Variants in UNC13C observed in about 807,000 individuals in gnomAD.
UNC13C encodes unc-13 homolog C.
Under a neutral mutation model 245.4 loss-of-function variants are expected in UNC13C, and 174 were observed. That is an observed-to-expected ratio of 0.71 (90% confidence interval 0.63 to 0.80). The LOEUF is 0.80. UNC13C is among the 30% of genes least tolerant of loss of function. The pLI is 0.00. For missense variants in UNC13C, 2,829 were observed against 2,602.9 expected, an observed-to-expected ratio of 1.09 and a Z score of -1.89; for synonymous variants, 992 against 895.1, an observed-to-expected ratio of 1.11 and a Z score of -1.93.
chr15:54,169,498 T>G (rs1046427171), intron 4 of UNC13C, among the ~76,000 whole-genome samples: 1 of 152,142 alleles, frequency 6.6e-6, no homozygotes, highest in Non-Finnish European at 1.5e-5. Context: ...CCAGGAGGCG[T>G]TCTTTGTAAA....
chr15:54,324,830 G>A lies in UNC13C; in HGVS notation c.4425+2735G>A, dbSNP rs1044059328. On this transcript the variant is annotated intron_variant, in intron 14 of 32. Transcript: ENST00000260323. The stretch of plus-strand genomic sequence containing the variant: ...AATTGAGGTTGAAGCCTGATTTCAC[G>A]AAGTTTGTTCAGTGAATGGCATATA... Among the ~76,000 whole-genome samples, 7 of 152,084 alleles carry A rather than the reference G, an allele frequency of 4.6e-5. No individual in the cohort carries two copies. In the East Asian group the frequency reaches 7.8e-4, roughly 17 times the overall value.
the UNC13C span, among the ~76,000 whole-genome samples, chr15:53,942,700 G>A: frequency 6.6e-6 from 1 of 152,210 alleles, no homozygotes; most frequent in Admixed American, 6.5e-5. Flanking sequence ...GTCTCACTCT[G>A]TCACCCAGGC....
intron 10 of UNC13C, among the ~76,000 whole-genome samples, chr15:54,278,959 TTTATTACACAAAC>T (rs2036906691): frequency 6.6e-6 from 1 of 152,214 alleles, no homozygotes; most frequent in Non-Finnish European, 1.5e-5. Context: ...TGTTTTATGT[TTTATTACACAAAC>T]TTTTGGAAAT....
At chr15:54,088,934 C>T (rs1195498770) in intron 2 of UNC13C, among the ~76,000 whole-genome samples, 5 of 152,134 alleles carry the variant, frequency 3.3e-5, no homozygotes, top group African/African-American at 1.2e-4. Context: ...CCCTACCTGG[C>T]TTTGGGGTCA....
intron 15 of UNC13C, 123 bp downstream of exon 15, chr15:54,332,234 C>T (rs1596235247): frequency 3.0e-6 from 2 of 663,512 alleles, no homozygotes; most frequent in East Asian, 2.8e-5. Flanking sequence ...GGTGCTGTTA[C>T]CCTTAGAAAT....
chr15:54,073,024 C>G (rs1169709624), intron 2 of UNC13C, among the ~76,000 whole-genome samples: 1 of 152,106 alleles, frequency 6.6e-6, no homozygotes, highest in Non-Finnish European at 1.5e-5. Flanking sequence ...AACACTATCC[C>G]TCCCCTAGCC....
intron 18 of UNC13C, among the ~76,000 whole-genome samples, chr15:54,394,599 C>T (rs2040033270): frequency 6.6e-6 from 1 of 151,844 alleles, no homozygotes; most frequent in Non-Finnish European, 1.5e-5. Flanking sequence ...AGACCGACAA[C>T]TTGTTTCAAG....
the UNC13C span, among the ~76,000 whole-genome samples, chr15:53,973,165 A>T: frequency 6.6e-6 from 1 of 152,110 alleles, no homozygotes; most frequent in Non-Finnish European, 1.5e-5. Context: ...TGAATCAAAG[A>T]ATGGCTCTTT....
At chr15:54,348,092 G>A (rs1460405843) in intron 17 of UNC13C, among the ~76,000 whole-genome samples, 3 of 152,092 alleles carry the variant, frequency 2.0e-5, no homozygotes, top group Non-Finnish European at 4.4e-5. Flanking sequence ...AGCTATCTAT[G>A]CTGATTCATG....
intron 4 of UNC13C, among the ~76,000 whole-genome samples, chr15:54,164,217 G>A (rs751280183): frequency 7.9e-5 from 12 of 152,026 alleles, no homozygotes; most frequent in Non-Finnish European, 1.2e-4. Flanking sequence ...TTTATGTGTC[G>A]TTTAATTTAA....
chr15:54,234,410 T>G (rs570020589), intron 4 of UNC13C, among the ~76,000 whole-genome samples: 1 of 152,182 alleles, frequency 6.6e-6, no homozygotes, highest in Non-Finnish European at 1.5e-5. Context: ...TTGATGAACA[T>G]GTAAATAACC....
At chr15:54,381,387 C>T (rs148848059) in intron 17 of UNC13C, among the ~76,000 whole-genome samples, 2,384 of 152,038 alleles carry the variant, frequency 0.016, 21 homozygotes, top group Non-Finnish European at 0.025. Context: ...TAGTGTGATG[C>T]CTCCAGCTTT....
At chr15:53,895,795 G>T in the UNC13C span, among the ~76,000 whole-genome samples, 1 of 152,072 alleles carries the variant, frequency 6.6e-6, no homozygotes, top group South Asian at 2.1e-4. Context: ...AAAGGTTTGT[G>T]AAATTGCTGT....
chr15:53,844,434 G>C, the UNC13C span, among the ~76,000 whole-genome samples: 1 of 152,110 alleles, frequency 6.6e-6, no homozygotes, highest in African/African-American at 2.4e-5. Context: ...TTGTTTGTTT[G>C]CTGGGGTGTG....
chr15:54,431,171 T>C (rs1272317438), intron 19 of UNC13C, among the ~76,000 whole-genome samples: 3 of 151,784 alleles, frequency 2.0e-5, no homozygotes, highest in Non-Finnish European at 4.4e-5. Context: ...ATCCAAGAAA[T>C]TTAATGTATA....
chr15:54,141,515 C>T (rs2032017942), intron 2 of UNC13C, among the ~76,000 whole-genome samples: 1 of 151,986 alleles, frequency 6.6e-6, no homozygotes, highest in Non-Finnish European at 1.5e-5. Flanking sequence ...AGACCCATTA[C>T]AATCCCATTT....
intron 13 of UNC13C, among the ~76,000 whole-genome samples, chr15:54,304,738 G>A (rs1339079674): frequency 6.7e-6 from 1 of 149,550 alleles, no homozygotes; most frequent in Admixed American, 6.7e-5. Context: ...ATTAACTTTG[G>A]TGCAATTTTT....
intron 4 of UNC13C, among the ~76,000 whole-genome samples, chr15:54,201,706 T>C (rs1222280961): frequency 1.3e-5 from 2 of 151,860 alleles, no homozygotes; most frequent in Non-Finnish European, 2.9e-5. Context: ...CAGCCAACAT[T>C]ATACTAAATG....
intron 1 of UNC13C, among the ~76,000 whole-genome samples, chr15:54,004,065 A>C (rs1895027698): frequency 6.6e-6 from 1 of 152,126 alleles, no homozygotes; most frequent in African/African-American, 2.4e-5. Context: ...ACTCTTACAG[A>C]CTATAGTCGC....
Sources: allele counts gnomAD v4.1 joint callset (sites outside exome capture counted in the v4.1 genomes callset), GRCh38; gene constraint gnomAD v4.1.1; transcripts MANE v1.5; gene names NCBI Gene and HGNC (gene_info 2026-07-23, HGNC 2026-07-21).